CLXN: variants seen among roughly 807,000 people sequenced by gnomAD.
CLXN encodes calaxin.
At chr8:48,724,323 T>C in the CLXN span, 1 of 154,310 alleles carries the variant, frequency 6.5e-6, no homozygotes, top group African/African-American at 2.4e-5. Context: ...TTTGATGCCA[T>C]CTTCATTATT....
chr8:48,726,149 TCCATCCAC>T, the CLXN span, among the ~76,000 whole-genome samples: 6 of 123,552 alleles, frequency 4.9e-5, no homozygotes, highest in East Asian at 2.8e-4. Flanking sequence ...CATCCATCCA[TCCATCCAC>T]CCACCCACCC....
chr8:48,722,591 C>A, the CLXN span, among the ~76,000 whole-genome samples: 8 of 152,044 alleles, frequency 5.3e-5, no homozygotes, highest in African/African-American at 1.9e-4. Flanking sequence ...TGTGTATATA[C>A]ACATGGCAGT....
At chr8:48,713,046 G>C in the CLXN span, among the ~76,000 whole-genome samples, 3 of 150,940 alleles carry the variant, frequency 2.0e-5, no homozygotes, top group Non-Finnish European at 4.4e-5. Context: ...GTTTACTTGA[G>C]ATATATCTGT....
At chr8:48,728,968 C>T in the CLXN span, 24 of 1,006,200 alleles carry the variant, frequency 2.4e-5, no homozygotes, top group African/African-American at 3.3e-4. Flanking sequence ...TGATCCACTA[C>T]CCATTAAATC....
chr8:48,720,471 T>G, the CLXN span, among the ~76,000 whole-genome samples: 1 of 152,084 alleles, frequency 6.6e-6, no homozygotes, highest in Non-Finnish European at 1.5e-5. Context: ...AGGACTGAGA[T>G]ACACCCTGGT....
chr8:48,724,108 C>T, the CLXN span: 1 of 152,126 alleles, frequency 6.6e-6, no homozygotes, highest in Non-Finnish European at 1.5e-5. Context: ...GGACTAAATG[C>T]TATGGCAGAC....
the CLXN span, chr8:48,730,601 T>C: frequency 8.1e-5 from 131 of 1,611,930 alleles, no homozygotes; most frequent in Non-Finnish European, 1.1e-4. Context: ...TCCACTCCAA[T>C]ACATTTACAC....
the CLXN span, chr8:48,735,099 T>C: frequency 1.9e-6 from 3 of 1,614,160 alleles, no homozygotes; most frequent in East Asian, 6.7e-5. Context: ...CTTACAATGC[T>C]TGCAATTTTT....
chr8:48,715,026 A>G, the CLXN span: 1 of 152,232 alleles, frequency 6.6e-6, no homozygotes, highest in Non-Finnish European at 1.5e-5. Flanking sequence ...TGTTCACAAA[A>G]TAGTAGTACA....
At chr8:48,717,938 G>T in the CLXN span, among the ~76,000 whole-genome samples, 2 of 152,062 alleles carry the variant, frequency 1.3e-5, no homozygotes, top group South Asian at 4.1e-4. Flanking sequence ...GAAAACAACT[G>T]CCAAACAGAA....
At chr8:48,712,069 G>A in the CLXN span, 2 of 152,290 alleles carry the variant, frequency 1.3e-5, no homozygotes, top group African/African-American at 4.8e-5. Context: ...GATTCATGAA[G>A]GAAGACATGA....
the CLXN span, chr8:48,710,980 TCACTTATATCA>T: frequency 6.6e-6 from 1 of 152,162 alleles, no homozygotes; most frequent in Non-Finnish European, 1.5e-5. Flanking sequence ...TAATCACTTT[TCACTTATATCA>T]CACTTTCAAA....
chr8:48,715,781 A>G, the CLXN span: 1 of 152,240 alleles, frequency 6.6e-6, no homozygotes, highest in African/African-American at 2.4e-5. Context: ...GCAGCCCATA[A>G]AAGTGTGGAA....
chr8:48,735,136 G>T, the CLXN span: 1 of 1,614,154 alleles, frequency 6.2e-7, no homozygotes, highest in Non-Finnish European at 8.5e-7. Flanking sequence ...AGCTTCTGCA[G>T]TTTCTTGCGG....
chr8:48,731,086 A>C, the CLXN span, among the ~76,000 whole-genome samples: 9 of 152,316 alleles, frequency 5.9e-5, no homozygotes, highest in African/African-American at 2.2e-4. Context: ...TATGTTTATT[A>C]AGTGGAAATC....
chr8:48,727,179 A>G, the CLXN span, among the ~76,000 whole-genome samples: 1 of 26,986 alleles, frequency 3.7e-5, no homozygotes, highest in Admixed American at 3.4e-4. Flanking sequence ...CCACCCACCC[A>G]CCCACCCATC....
the CLXN span, among the ~76,000 whole-genome samples, chr8:48,717,400 TA>T: frequency 5.3e-5 from 8 of 151,284 alleles, no homozygotes; most frequent in African/African-American, 1.7e-4. Flanking sequence ...TGAAAGAAAA[TA>T]AAAAAAACCC....
chr8:48,732,601 C>T, the CLXN span, among the ~76,000 whole-genome samples: 253 of 152,250 alleles, frequency 1.7e-3, 1 homozygote, highest in Non-Finnish European at 2.3e-3. Context: ...ACAATTATTG[C>T]GTGATCCAGG....
chr8:48,722,769 C>CAT, the CLXN span, among the ~76,000 whole-genome samples: 1 of 151,534 alleles, frequency 6.6e-6, no homozygotes, highest in South Asian at 2.1e-4. Context: ...CCCCATTACA[C>CAT]ACACACACAC....
Sources: gnomAD v4.1 joint callset for allele counts (sites outside exome capture counted in the v4.1 genomes callset) on GRCh38, gnomAD v4.1.1 for gene constraint, MANE v1.5 for transcripts, NCBI Gene and HGNC (gene_info 2026-07-23, HGNC 2026-07-21) for gene names.